Variants in RAB7A observed in about 807,000 individuals in gnomAD.
RAB7A encodes the protein ras-related protein Rab-7a.
A neutral mutation model predicts 24.5 loss-of-function variants in RAB7A; 2 were observed. The ratio of observed to expected loss-of-function variants is 0.08; its 90% confidence interval spans 0.03 to 0.26. The LOEUF is 0.26. Ranked by LOEUF, RAB7A falls within the 10% of genes least tolerant of loss-of-function variation. RAB7A has a pLI of 1.00. For synonymous variants in RAB7A, 100 were observed against 95.9 expected (o/e 1.04, Z -0.25); for missense variants, 118 against 255.7 (o/e 0.46, Z 3.67).
At chr3:128,734,484 A>AAAAG (rs370912916) in intron 1 of RAB7A, among the ~76,000 whole-genome samples, 27 of 151,398 alleles carry the variant, frequency 1.8e-4, no homozygotes, top group African/African-American at 6.1e-4. Context: ...AAAAGGAAAG[A>AAAAG]AAAGAAAGAA....
intron 1 of RAB7A, among the ~76,000 whole-genome samples, chr3:128,759,659 T>C (rs1456505130): frequency 6.6e-6 from 1 of 152,214 alleles, no homozygotes; most frequent in East Asian, 1.9e-4. Context: ...CCATGGTACC[T>C]GAACCTCAAG....
At chr3:128,791,359 T>C (rs1010018041) in intron 1 of RAB7A, among the ~76,000 whole-genome samples, 1 of 152,174 alleles carries the variant, frequency 6.6e-6, no homozygotes, top group African/African-American at 2.4e-5. Context: ...CAGGCTGGTC[T>C]CGAACTCCTG....
Position 128,807,722 on chromosome 3 carries a change from C to T in RAB7A, c.528+51C>T, listed in dbSNP as rs758419211. 8.7e-6 allele frequency: 14 copies of T among 1,612,914 alleles called. No individual in the cohort carries two copies. The South Asian group carries it at 1.2e-4, about 14-fold the overall frequency. ...CACTCTGGTGATGCCTGACCACTGACCCAGTCCCTGCCTGGCCTCCTGCCC... is the reference window on the plus strand; with the variant it reads ...CACTCTGGTGATGCCTGACCACTGATCCAGTCCCTGCCTGGCCTCCTGCCC... On this transcript the variant is annotated intron_variant, in intron 5 of 5. Coordinates refer to ENST00000265062, the MANE Select transcript of RAB7A (RefSeq NM_004637.6).
chr3:128,738,697 T>G (rs2107584920), intron 1 of RAB7A, among the ~76,000 whole-genome samples: 1 of 152,342 alleles, frequency 6.6e-6, no homozygotes, highest in East Asian at 1.9e-4. Context: ...GAGGGGGCCT[T>G]AAGGGTAAGT....
chr3:128,752,088 G>A (rs145867641), intron 1 of RAB7A, among the ~76,000 whole-genome samples: 6,301 of 151,476 alleles, frequency 0.042, 177 homozygotes, highest in Non-Finnish European at 0.058. Flanking sequence ...CCAGTCTTGG[G>A]TATGTCTTTA....
chr3:128,751,503 AG>A (rs1295169144), intron 1 of RAB7A, among the ~76,000 whole-genome samples: 3 of 152,206 alleles, frequency 2.0e-5, no homozygotes, highest in Admixed American at 1.3e-4. Context: ...TGGGGCCTGT[AG>A]CCTCTTTGTT....
chr3:128,739,881 A>T (rs1184345296), intron 1 of RAB7A, among the ~76,000 whole-genome samples: 4 of 152,164 alleles, frequency 2.6e-5, no homozygotes, highest in Admixed American at 2.6e-4. Context: ...AGCGTGACCA[A>T]CATGGTAAAA....
At chr3:128,742,598 A>C (rs952173248) in intron 1 of RAB7A, among the ~76,000 whole-genome samples, 1 of 152,076 alleles carries the variant, frequency 6.6e-6, no homozygotes, top group East Asian at 1.9e-4. Context: ...CCAAGTCCCC[A>C]CTAGATTAGC....
chr3:128,809,933 AGTCTTTTTTTTTT>A (rs1367297006), intron 5 of RAB7A, among the ~76,000 whole-genome samples: 4 of 54,098 alleles, frequency 7.4e-5, no homozygotes, highest in African/African-American at 2.3e-4. Flanking sequence ...CTCTTGCCAC[AGTCTTTTTTTTTT>A]TTTTTTTTTT....
chr3:128,780,433 A>G (rs1487269440), intron 1 of RAB7A, among the ~76,000 whole-genome samples: 1 of 152,186 alleles, frequency 6.6e-6, no homozygotes, highest in Non-Finnish European at 1.5e-5. Context: ...GAATATAGCC[A>G]CTGAGGTTTC....
chr3:128,753,567 G>T (rs1008957769), intron 1 of RAB7A, among the ~76,000 whole-genome samples: 3 of 152,156 alleles, frequency 2.0e-5, no homozygotes, highest in African/African-American at 7.2e-5. Flanking sequence ...GATAATTTAT[G>T]AAGAACAGAA....
intron 1 of RAB7A, among the ~76,000 whole-genome samples, chr3:128,753,083 C>A (rs1378892639): frequency 6.6e-6 from 1 of 152,122 alleles, no homozygotes; most frequent in Non-Finnish European, 1.5e-5. Context: ...CCCAGAAGAT[C>A]ATCATCGGAT....
intron 1 of RAB7A, chr3:128,764,609 A>G (rs186499180): frequency 2.4e-5 from 32 of 1,352,524 alleles, no homozygotes; most frequent in Middle Eastern, 4.8e-4. Flanking sequence ...TTCAGGTAAC[A>G]TGTCTCAATG....
chr3:128,803,754 A>C (rs1933746119), intron 3 of RAB7A, among the ~76,000 whole-genome samples: 1 of 152,242 alleles, frequency 6.6e-6, no homozygotes, highest in Non-Finnish European at 1.5e-5. Flanking sequence ...AAAGCTGTAC[A>C]GGATGATAAT....
At chr3:128,805,730 G>A (rs1299023300) in intron 3 of RAB7A, among the ~76,000 whole-genome samples, 1 of 151,994 alleles carries the variant, frequency 6.6e-6, no homozygotes, top group Non-Finnish European at 1.5e-5. Context: ...TTGGCTCACC[G>A]CAACCTGCGC....
chr3:128,769,597 G>A (rs2070865424), intron 1 of RAB7A, among the ~76,000 whole-genome samples: 1 of 152,166 alleles, frequency 6.6e-6, no homozygotes. Context: ...TCTATTAATA[G>A]TGTTTTTGGA....
chr3:128,764,605 TA>T, intron 1 of RAB7A: 1 of 1,385,762 alleles, frequency 7.2e-7, no homozygotes, highest in Non-Finnish European at 1.0e-6. Flanking sequence ...CTCATTCAGG[TA>T]ACATGTCTCA....
At chr3:128,780,399 G>A (rs921645227) in intron 1 of RAB7A, among the ~76,000 whole-genome samples, 1 of 152,010 alleles carries the variant, frequency 6.6e-6, no homozygotes, top group African/African-American at 2.4e-5. Context: ...CCTTGTCCAG[G>A]AAGGAGTTGT....
chr3:128,763,664 C>T (rs1244442237), intron 1 of RAB7A, among the ~76,000 whole-genome samples: 1 of 152,130 alleles, frequency 6.6e-6, no homozygotes, highest in African/African-American at 2.4e-5. Context: ...TTCCCCTACC[C>T]CCATTCCTGT....
Sources: gnomAD v4.1 joint callset for allele counts (sites outside exome capture counted in the v4.1 genomes callset) on GRCh38, gnomAD v4.1.1 for gene constraint, MANE v1.5 for transcripts, NCBI Gene and HGNC (gene_info 2026-07-23, HGNC 2026-07-21) for gene names.